The following DPP6 variants were observed in gnomAD, a reference collection of about 807,000 sequenced individuals.
The protein encoded by DPP6 is dipeptidyl peptidase like 6.
In DPP6, 69 loss-of-function variants were observed where a neutral mutation model predicts 122.6. The observed-to-expected ratio is 0.56, with a 90% CI of 0.46 to 0.69. The LOEUF (loss-of-function observed/expected upper bound fraction) is 0.69, where lower values mean the gene tolerates loss of function less well. DPP6 is among the 30% of genes least tolerant of loss of function. DPP6 has a pLI of 0.00. For missense variants in DPP6, 928 were observed against 1,116.9 expected (o/e 0.83, Z 2.41); for synonymous variants, 418 against 433.1 (o/e 0.97, Z 0.43).
intron 1 of DPP6, among the ~76,000 whole-genome samples, chr7:154,253,683 T>C: frequency 6.6e-6 from 1 of 152,354 alleles, no homozygotes; most frequent in African/African-American, 2.4e-5. Context: ...ATGATGATAA[T>C]GATAATGTGC....
At chr7:153,875,122 G>T in the DPP6 span, among the ~76,000 whole-genome samples, 3 of 152,102 alleles carry the variant, frequency 2.0e-5, no homozygotes, top group Admixed American at 1.3e-4. Context: ...AGCAGTCAGA[G>T]ACAAAACATA....
chr7:154,588,737 T>G (rs967825235), intron 5 of DPP6: 4 of 152,240 alleles, frequency 2.6e-5, no homozygotes, highest in African/African-American at 9.6e-5. Context: ...GTGGTCTTTC[T>G]CCATGTGTCT....
rs66665335 is a variant in DPP6 at position 154,450,008 on chromosome 7, C to CTAAATAAA, written c.358+3722_358+3729dup. ...TGGGTGACAGAGCTAGACTCCATCT[C>CTAAATAAA]TAAATAAATAAATAAATAAATAAAT... On this transcript the variant is annotated intron_variant, in intron 2 of 25. Transcript: ENST00000377770. Among the ~76,000 whole-genome samples, 735 of 138,308 alleles carry CTAAATAAA rather than the reference C, an allele frequency of 5.3e-3. 4 individuals carry two copies. The highest frequency in any genetic ancestry group is 9.5e-3 in the East Asian group (45 of 4,718). 90.7% of individuals were successfully genotyped at this position (138,308 alleles called of 152,430 possible). A position where few individuals can be genotyped will look rare whatever the true frequency, so the allele number is the denominator to read the frequency against.
intron 1 of DPP6, among the ~76,000 whole-genome samples, chr7:154,238,107 G>T (rs1801338182): frequency 6.6e-6 from 1 of 152,124 alleles, no homozygotes; most frequent in Admixed American, 6.5e-5. Context: ...TGTGTTATTT[G>T]GTATTTTTAA....
At chr7:154,194,645 T>G (rs1309743354) in intron 1 of DPP6, among the ~76,000 whole-genome samples, 1 of 152,218 alleles carries the variant, frequency 6.6e-6, no homozygotes, top group Non-Finnish European at 1.5e-5. Flanking sequence ...ATTCTTTCGT[T>G]GTCAGACTTC....
At chr7:154,029,313 G>A (rs577595916) in intron 1 of DPP6, among the ~76,000 whole-genome samples, 1,813 of 150,336 alleles carry the variant, frequency 0.012, 35 homozygotes, top group African/African-American at 0.041. Flanking sequence ...TCAGGAGATC[G>A]AGACCATCCT....
intron 1 of DPP6, among the ~76,000 whole-genome samples, chr7:154,392,603 T>C (rs1814716957): frequency 6.6e-6 from 1 of 152,196 alleles, no homozygotes; most frequent in Non-Finnish European, 1.5e-5. Context: ...GACCAATACC[T>C]CGTAGGAAGG....
chr7:153,912,073 T>A (rs1280482023), intron 1 of DPP6, among the ~76,000 whole-genome samples: 1 of 152,194 alleles, frequency 6.6e-6, no homozygotes, highest in East Asian at 1.9e-4. Flanking sequence ...CAGTGGTGTC[T>A]GAGGCACCAT....
chr7:154,799,393 T>C (rs912396932), intron 12 of DPP6, among the ~76,000 whole-genome samples: 2 of 152,192 alleles, frequency 1.3e-5, no homozygotes, highest in African/African-American at 2.4e-5. Flanking sequence ...ATACACACCC[T>C]GTCACTGCTG....
At chr7:153,792,831 C>A in the DPP6 span, among the ~76,000 whole-genome samples, 10 of 152,004 alleles carry the variant, frequency 6.6e-5, no homozygotes, top group African/African-American at 2.4e-4. Context: ...GTAACTGAAT[C>A]ATGGGGGCCA....
At chr7:154,799,493 T>G (rs1179600317) in intron 12 of DPP6, among the ~76,000 whole-genome samples, 1 of 152,244 alleles carries the variant, frequency 6.6e-6, no homozygotes, top group Non-Finnish European at 1.5e-5. Context: ...CAGAGCCTAT[T>G]GTTTTGGTTG....
chr7:153,929,396 C>T (rs1046927465), intron 1 of DPP6, among the ~76,000 whole-genome samples: 28 of 151,906 alleles, frequency 1.8e-4, no homozygotes, highest in African/African-American at 6.5e-4. Flanking sequence ...GTGGGAGAAG[C>T]GGTTTGGGGT....
intron 2 of DPP6, among the ~76,000 whole-genome samples, chr7:154,459,974 CTTTTTTTTTTTTT>C (rs71184004): frequency 1.7e-5 from 1 of 58,566 alleles, no homozygotes; most frequent in African/African-American, 7.4e-5. Flanking sequence ...TATTCATGTG[CTTTTTTTTTTTTT>C]TTTTTTTTTT....
intron 1 of DPP6, among the ~76,000 whole-genome samples, chr7:154,201,357 G>C (rs930571036): frequency 2.0e-5 from 3 of 152,144 alleles, no homozygotes; most frequent in Non-Finnish European, 2.9e-5. Context: ...TTGAACTCCT[G>C]ACCTCAGGTG....
chr7:153,886,120 C>A (rs1798901810), upstream of DPP6, among the ~76,000 whole-genome samples: 1 of 128,056 alleles, frequency 7.8e-6, no homozygotes, highest in African/African-American at 2.7e-5. Context: ...CTTACACACA[C>A]ACACACACAC....
At chr7:154,288,284 A>G (rs1332490067) in intron 1 of DPP6, among the ~76,000 whole-genome samples, 1 of 152,212 alleles carries the variant, frequency 6.6e-6, no homozygotes, top group Non-Finnish European at 1.5e-5. Flanking sequence ...AGGTGAGCAG[A>G]AGACAAGACA....
chr7:153,779,762 C>T, the DPP6 span, among the ~76,000 whole-genome samples: 1 of 122,934 alleles, frequency 8.1e-6, no homozygotes, highest in Non-Finnish European at 1.7e-5. Context: ...GTAATGTAGG[C>T]CCTGGGGGTT....
chr7:153,969,499 A>G (rs1410516173), intron 1 of DPP6, among the ~76,000 whole-genome samples: 1 of 146,972 alleles, frequency 6.8e-6, no homozygotes, highest in Non-Finnish European at 1.5e-5. Flanking sequence ...GATGCATCAT[A>G]TTTCAGAGAT....
intron 10 of DPP6, among the ~76,000 whole-genome samples, chr7:154,781,512 T>A (rs1797027394): frequency 6.6e-6 from 1 of 152,150 alleles, no homozygotes; most frequent in Non-Finnish European, 1.5e-5. Flanking sequence ...TAGTAATTTG[T>A]CTTAAGTCGT....
Sources: gnomAD v4.1 joint callset for allele counts (sites outside exome capture counted in the v4.1 genomes callset) on GRCh38, gnomAD v4.1.1 for gene constraint, MANE v1.5 for transcripts, NCBI Gene and HGNC (gene_info 2026-07-23, HGNC 2026-07-21) for gene names.